The following SEMA3A variants were observed in gnomAD, a reference collection of about 807,000 sequenced individuals.
SEMA3A encodes semaphorin 3A.
In SEMA3A, 29 loss-of-function variants were observed where a neutral mutation model predicts 97.9. The ratio of observed to expected loss-of-function variants is 0.30; its 90% CI spans 0.22 to 0.40. The LOEUF (loss-of-function observed/expected upper bound fraction) is 0.40. Ranked by LOEUF, SEMA3A falls within the 10% of genes least tolerant of loss-of-function variation. SEMA3A has a pLI of 1.00. For synonymous variants in SEMA3A, 321 were observed against 323.7 expected (o/e 0.99, Z 0.09); for missense variants, 763 against 951.3 (o/e 0.80, Z 2.60).
chr7:84,252,669 G>C (rs1799634601), intron 3 of SEMA3A, among the ~76,000 whole-genome samples: 1 of 152,086 alleles, frequency 6.6e-6, no homozygotes, highest in African/African-American at 2.4e-5. Flanking sequence ...AATATTAAAA[G>C]CTTCCGCTAT....
At chr7:84,411,008 G>A (rs1409134831) in intron 1 of SEMA3A, among the ~76,000 whole-genome samples, 1 of 152,070 alleles carries the variant, frequency 6.6e-6, no homozygotes. Flanking sequence ...GTTTAAGATA[G>A]AGGAATATAA....
At chr7:84,093,459 T>C (rs1794656985) in intron 4 of SEMA3A, among the ~76,000 whole-genome samples, 1 of 152,076 alleles carries the variant, frequency 6.6e-6, no homozygotes, top group Admixed American at 6.6e-5. Context: ...AAGGATGAGA[T>C]GGATTTATTA....
At chr7:83,996,189 A>G (rs1562962191) in intron 12 of SEMA3A, among the ~76,000 whole-genome samples, 1 of 152,110 alleles carries the variant, frequency 6.6e-6, no homozygotes. Context: ...AGGCTTTTAT[A>G]TCTTCTGAGT....
intron 1 of SEMA3A, among the ~76,000 whole-genome samples, chr7:84,177,539 GT>G (rs1797607636): frequency 6.6e-6 from 1 of 151,822 alleles, no homozygotes; most frequent in South Asian, 2.1e-4. Flanking sequence ...ATGATAAATT[GT>G]TTTTTATAGG....
chr7:84,036,371 C>T (rs1791939431), intron 6 of SEMA3A, among the ~76,000 whole-genome samples: 1 of 151,958 alleles, frequency 6.6e-6, no homozygotes, highest in South Asian at 2.1e-4. Context: ...GTTCCTTGAA[C>T]CTAGTGGATG....
At chr7:84,221,523 A>G (rs1239851225) in intron 3 of SEMA3A, among the ~76,000 whole-genome samples, 1 of 152,106 alleles carries the variant, frequency 6.6e-6, no homozygotes, top group Non-Finnish European at 1.5e-5. Context: ...CTTTTGATAT[A>G]AAGTGAAAGA....
chr7:84,342,671 G>A (rs1328995673), intron 2 of SEMA3A, among the ~76,000 whole-genome samples: 1 of 152,142 alleles, frequency 6.6e-6, no homozygotes, highest in African/African-American at 2.4e-5. Flanking sequence ...CACACTATTT[G>A]CTATGGTTGG....
At chr7:84,408,376 TA>T (rs1166015438) in intron 1 of SEMA3A, among the ~76,000 whole-genome samples, 1 of 151,824 alleles carries the variant, frequency 6.6e-6, no homozygotes, top group Non-Finnish European at 1.5e-5. Flanking sequence ...TGGCAATCAT[TA>T]AAAAGTCAGG....
At chr7:84,376,840 A>C (rs1803116808) in intron 1 of SEMA3A, among the ~76,000 whole-genome samples, 1 of 149,202 alleles carries the variant, frequency 6.7e-6, no homozygotes, top group South Asian at 2.1e-4. Flanking sequence ...ATTTTTAATC[A>C]GATTTATTTT....
chr7:84,031,079 G>C (rs546184271), intron 6 of SEMA3A, among the ~76,000 whole-genome samples: 16 of 133,776 alleles, frequency 1.2e-4, no homozygotes, highest in Non-Finnish European at 2.3e-4. Context: ...TACAACCTCC[G>C]CCTCACAGAT....
intron 8 of SEMA3A, 24 bp downstream of exon 8, chr7:84,011,159 T>C (rs904693153): frequency 1.2e-6 from 2 of 1,604,740 alleles, no homozygotes; most frequent in African/African-American, 1.3e-5. Context: ...AAATATTCTC[T>C]ATACATAAAC....
intron 1 of SEMA3A, among the ~76,000 whole-genome samples, chr7:84,147,450 T>TA (rs1350338059): frequency 6.6e-6 from 1 of 152,188 alleles, no homozygotes; most frequent in African/African-American, 2.4e-5. Context: ...AACATATTCC[T>TA]ATCAGTGTTC....
intron 7 of SEMA3A, among the ~76,000 whole-genome samples, chr7:84,013,893 C>T (rs1283819825): frequency 6.6e-6 from 1 of 152,068 alleles, no homozygotes; most frequent in East Asian, 1.9e-4. Context: ...GAAAACTGTG[C>T]TAGGACTGAA....
At chr7:84,162,747 G>A (rs1797077976) in intron 1 of SEMA3A, among the ~76,000 whole-genome samples, 1 of 152,082 alleles carries the variant, frequency 6.6e-6, no homozygotes, top group African/African-American at 2.4e-5. Flanking sequence ...CAGGTTCTTA[G>A]AAGCAATACC....
chr7:84,398,518 G>A (rs918455948), intron 1 of SEMA3A, among the ~76,000 whole-genome samples: 5 of 152,164 alleles, frequency 3.3e-5, no homozygotes, highest in Admixed American at 1.3e-4. Context: ...TAGTATTTGG[G>A]AAGCTGAGGC....
chr7:84,222,504 C>T lies in SEMA3A; in HGVS notation c.-82-27836G>A, dbSNP rs1211634618. Among the ~76,000 whole-genome samples, 4 of 151,802 alleles carry T rather than the reference C, an allele frequency of 2.6e-5. No individual in the cohort carries two copies. The East Asian group carries it at 7.7e-4, about 29-fold the overall frequency. ...AAAAGAATGACAACATTTAAAATTT[C>T]ATATTTCCTTAGCAATTGGCATAAC... On this transcript the variant is annotated intron_variant, in intron 3 of 3. Coordinates refer to the SEMA3A transcript ENST00000424555.
At chr7:84,430,468 G>A (rs943684085) in intron 1 of SEMA3A, among the ~76,000 whole-genome samples, 9 of 151,746 alleles carry the variant, frequency 5.9e-5, no homozygotes, top group African/African-American at 2.2e-4. Flanking sequence ...AATAAAGATA[G>A]GTAAAATTTC....
At chr7:84,436,611 A>AT (rs1484907490) in intron 1 of SEMA3A, among the ~76,000 whole-genome samples, 3 of 152,174 alleles carry the variant, frequency 2.0e-5, no homozygotes, top group Non-Finnish European at 4.4e-5. Context: ...GGCTTCTCAG[A>AT]TATAAGTTCG....
intron 1 of SEMA3A, among the ~76,000 whole-genome samples, chr7:84,468,211 GA>G (rs1352225754): frequency 1.3e-5 from 2 of 152,080 alleles, no homozygotes; most frequent in African/African-American, 2.4e-5. Flanking sequence ...CACATTTTGG[GA>G]TATTTTGCAT....
Sources: allele counts gnomAD v4.1 joint callset (sites outside exome capture counted in the v4.1 genomes callset), GRCh38; gene constraint gnomAD v4.1.1; transcripts MANE v1.5; gene names NCBI Gene and HGNC (gene_info 2026-07-23, HGNC 2026-07-21).